The following ZFYVE27 variants were observed in gnomAD, a reference collection of about 807,000 sequenced individuals.
ZFYVE27 encodes the protein zinc finger FYVE-type containing 27, also known as protrudin.
A neutral mutation model predicts 52.8 loss-of-function variants in ZFYVE27; 36 were observed. The observed-to-expected ratio is 0.68, with a 90% CI of 0.52 to 0.90. ZFYVE27 has a LOEUF of 0.90. Among genes scored for constraint, ZFYVE27 ranks in the 40% least tolerant of loss-of-function variants. The probability of loss-of-function intolerance (pLI) is 0.00; values close to 1 mark genes in which losing one functional copy is unlikely to be tolerated. For missense variants in ZFYVE27, 450 were observed against 527.2 expected (o/e 0.85, Z 1.43); for synonymous variants, 223 against 215.6 (o/e 1.03, Z -0.30).
intron 12 of ZFYVE27, among the ~76,000 whole-genome samples, chr10:97,758,385 A>T (rs2136411736): frequency 6.9e-6 from 1 of 144,818 alleles, no homozygotes; most frequent in South Asian, 2.2e-4. Context: ...GTGCAGTGGT[A>T]CGGCCTTGGC....
intron 10 of ZFYVE27, among the ~76,000 whole-genome samples, chr10:97,756,607 C>G (rs1246501355): frequency 6.6e-6 from 1 of 152,214 alleles, no homozygotes; most frequent in Non-Finnish European, 1.5e-5. Context: ...GCCGTTGCCC[C>G]TCCACTGTTG....
At chr10:97,750,040 T>C (rs1327821828) in intron 6 of ZFYVE27, 3 of 462,568 alleles carry the variant, frequency 6.5e-6, no homozygotes, top group Admixed American at 3.4e-5. Flanking sequence ...GTACATATGT[T>C]TGGGTGATTG....
Position 97,744,779 on chromosome 10 carries a change from G to A in ZFYVE27, c.319G>A (p.Gly107Ser). The A allele has an allele frequency of 3.1e-6, 5 of 1,614,062 alleles. No homozygotes were observed. Among genetic ancestry groups the A allele is most frequent in the Non-Finnish European group, 4.2e-6 (5 of 1,180,036 alleles). ...GATGATTTCAGTGCCCGCCCTGCTGGGCTACCTTCAGGAGGTTTGCCGGGC... is the reference window on the plus strand; with the variant it reads ...GATGATTTCAGTGCCCGCCCTGCTGAGCTACCTTCAGGAGGTTTGCCGGGC... ...ALMISVPALL[G>S]YLQEVCRARL... Residue 107 changes from glycine (G) to serine (S), a missense_variant, in exon 4 of 13, where the codon GGC becomes AGC. Gly to Ser is a moderately conservative substitution (Grantham distance 56). Transcript: ENST00000684270.
At chr10:97,754,274 C>T (rs1054638869) in intron 10 of ZFYVE27, among the ~76,000 whole-genome samples, 1 of 150,250 alleles carries the variant, frequency 6.7e-6, no homozygotes, top group Admixed American at 6.6e-5. Context: ...CAGGCTCTTT[C>T]TTTCTGCTGT....
intron 2 of ZFYVE27, among the ~76,000 whole-genome samples, chr10:97,741,341 A>T (rs1425401786): frequency 2.0e-5 from 3 of 152,268 alleles, no homozygotes; most frequent in Non-Finnish European, 4.4e-5. Flanking sequence ...TATTCACAAT[A>T]GCAAAGACTT....
chr10:97,746,951 A>G (rs977713912), intron 4 of ZFYVE27, among the ~76,000 whole-genome samples: 2 of 152,204 alleles, frequency 1.3e-5, no homozygotes, highest in African/African-American at 4.8e-5. Flanking sequence ...TCAGCCTCCC[A>G]AAGTGCTGGG....
At chr10:97,743,284 T>C in intron 3 of ZFYVE27, 120 bp downstream of exon 3, 1 of 1,185,034 alleles carries the variant, frequency 8.4e-7, no homozygotes, top group Admixed American at 1.8e-5. Flanking sequence ...AGTGTTCCTC[T>C]GTGTCTGCTT....
At chr10:97,745,161 C>A (rs1419543556) in intron 4 of ZFYVE27, among the ~76,000 whole-genome samples, 2 of 137,240 alleles carry the variant, frequency 1.5e-5, no homozygotes, top group Non-Finnish European at 3.1e-5. Context: ...TGTTTGTTTT[C>A]ACAGCTTCTG....
At chr10:97,746,042 TATATATA>T (rs1378265277) in intron 4 of ZFYVE27, among the ~76,000 whole-genome samples, 880 of 56,384 alleles carry the variant, frequency 0.016, 10 homozygotes, top group African/African-American at 0.067. Flanking sequence ...TATATATATA[TATATATA>T]TATTTTTTTT....
At position 97,757,211 on chromosome 10, in the gene ZFYVE27, G is replaced by GA; in HGVS notation, c.1043-53dup. On this transcript the variant is annotated intron_variant, in intron 10 of 12. Coordinates refer to ENST00000684270, the MANE Select transcript of ZFYVE27 (RefSeq NM_001385875.1). ...CCATTTAGAAGCGCCAGGAGCAGGT[G>GA]AGCGTGAGAGTCCTGGGATGGGCGG... 9 of 1,613,470 alleles carry GA rather than the reference G, an allele frequency of 5.6e-6. No homozygotes were observed. In the South Asian group the frequency reaches 9.9e-5, roughly 18 times the overall value.
At chr10:97,742,168 C>T (rs2043877569) in intron 2 of ZFYVE27, among the ~76,000 whole-genome samples, 1 of 151,714 alleles carries the variant, frequency 6.6e-6, no homozygotes. Context: ...ACATTCAATG[C>T]TTGCCAGCAA....
intron 8 of ZFYVE27, among the ~76,000 whole-genome samples, chr10:97,752,181 G>A (rs572391264): frequency 6.6e-6 from 1 of 152,250 alleles, no homozygotes; most frequent in Non-Finnish European, 1.5e-5. Context: ...AGTGGGAGTT[G>A]CCATTTGTCA....
intron 3 of ZFYVE27, among the ~76,000 whole-genome samples, chr10:97,743,895 C>G (rs956407675): frequency 6.6e-6 from 1 of 152,218 alleles, no homozygotes; most frequent in Non-Finnish European, 1.5e-5. Context: ...CCAAACCCCT[C>G]AGGGTGAGAA....
chr10:97,742,167 G>A (rs923071651), intron 2 of ZFYVE27, among the ~76,000 whole-genome samples: 2 of 151,208 alleles, frequency 1.3e-5, no homozygotes, highest in Non-Finnish European at 2.9e-5. Flanking sequence ...TACATTCAAT[G>A]CTTGCCAGCA....
intron 4 of ZFYVE27, among the ~76,000 whole-genome samples, chr10:97,745,532 A>G (rs1444351039): frequency 6.6e-6 from 1 of 152,208 alleles, no homozygotes; most frequent in African/African-American, 2.4e-5. Context: ...ATGTGCATGT[A>G]TAAGCCACTG....
rs760481213 is a variant in ZFYVE27, at chr10:97,759,352, C to A, written c.*52C>A. 112 of 1,588,038 alleles carry A rather than the reference C, an allele frequency of 7.1e-5. No homozygotes were observed. Among genetic ancestry groups the A allele is most frequent in the Non-Finnish European group, 9.2e-5 (106 of 1,157,238 alleles). On this transcript the variant is annotated 3_prime_UTR_variant, in exon 13 of 13. Transcript: ENST00000684270. ...ACCCGTCCTTGGGACCAGCAGTAGACCCCCCACTCTCCCCACCCCTGGCCC... is the reference window on the plus strand; with the variant it reads ...ACCCGTCCTTGGGACCAGCAGTAGAACCCCCACTCTCCCCACCCCTGGCCC...
chr10:97,751,811 A>C (rs1172457417), intron 8 of ZFYVE27, among the ~76,000 whole-genome samples: 1 of 152,224 alleles, frequency 6.6e-6, no homozygotes, highest in East Asian at 1.9e-4. Context: ...GCTCTTCTGC[A>C]GAGTGAGTTC....
Position 97,747,585 on chromosome 10 carries a change from A to G in ZFYVE27, c.456-684A>G, listed in dbSNP as rs549609816. ...TTTATTTGATGAGTTAGAATCTATTACTATCATTATTTATTTTGATCTCAA... is the reference window on the plus strand; with the variant it reads ...TTTATTTGATGAGTTAGAATCTATTGCTATCATTATTTATTTTGATCTCAA... On this transcript the variant is annotated intron_variant, in intron 4 of 12. Coordinates refer to ENST00000684270, the MANE Select transcript of ZFYVE27 (RefSeq NM_001385875.1). 1.3e-4 allele frequency among the ~76,000 whole-genome samples: 20 copies of G among 152,346 alleles called. 1 individual carries two copies. The East Asian group carries it at 3.3e-3, about 25-fold the overall frequency.
At position 97,747,451 on chromosome 10, in the gene ZFYVE27, T is replaced by A. The variant is rs150841637; in HGVS notation, c.456-818T>A. Among the ~76,000 whole-genome samples the A allele has an allele frequency of 3.5e-3, 540 of 152,350 alleles. 1 individual carries two copies. The highest frequency in any genetic ancestry group is 0.012 in the African/African-American group (516 of 41,590). The stretch of plus-strand genomic sequence containing the variant: ...TGCCTTAATCAGTTTATTACTATGA[T>A]GGTTGCAAAGATGATCTTCTAATTA... On this transcript the variant is annotated intron_variant, in intron 4 of 12. Transcript: ENST00000684270.
Sources: gnomAD v4.1 joint callset for allele counts (sites outside exome capture counted in the v4.1 genomes callset) on GRCh38, gnomAD v4.1.1 for gene constraint, MANE v1.5 for transcripts, NCBI Gene and HGNC (gene_info 2026-07-23, HGNC 2026-07-21) for gene names.